Variants in CACFD1 observed in about 807,000 individuals in gnomAD.
CACFD1 encodes calcium channel flower homolog.
CACFD1 carries 26 observed loss-of-function variants against 21.3 expected under a neutral mutation model. The observed-to-expected ratio is 1.22, with a 90% CI of 0.89 to 1.69. The LOEUF (loss-of-function observed/expected upper bound fraction) is 1.69. Among genes scored for constraint, CACFD1 ranks in the 40% most tolerant of loss-of-function variants. The pLI, the probability that CACFD1 is intolerant of heterozygous loss-of-function variation, is 0.00. For synonymous variants in CACFD1, 121 were observed against 106.6 expected, an observed-to-expected ratio of 1.13 and a Z score of -0.83; for missense variants, 265 against 236.2, an observed-to-expected ratio of 1.12 and a Z score of -0.80.
Position 133,465,247 on chromosome 9 carries a change from G to A in CACFD1, c.195-75G>A. The A allele has an allele frequency of 6.5e-7, 1 of 1,549,920 alleles. No individual in the cohort carries two copies. The highest frequency in any genetic ancestry group is 8.9e-7 in the Non-Finnish European group (1 of 1,127,492). ...GGTGAGGGAGGTGGCATTCCTTATG[G>A]CACTGGCACTGGGGGCCGCCCTCAT... is the stretch of plus-strand genomic sequence containing the variant. On this transcript the variant is annotated intron_variant, in intron 2 of 4. Coordinates refer to ENST00000316948, the MANE Select transcript of CACFD1 (RefSeq NM_017586.5). The surrounding 1 kb of genome is among the most constrained non-coding windows in gnomAD (Gnocchi z 5.0).
At chr9:133,468,300 C>T in intron 4 of CACFD1, 1 of 1,522,118 alleles carries the variant, frequency 6.6e-7, no homozygotes, top group Non-Finnish European at 8.8e-7. Flanking sequence ...CCCAGGTCTG[C>T]ACCGGGCATT....
chr9:133,459,980 C>T lies in CACFD1; in HGVS notation c.-87C>T. 7.0e-7 allele frequency: 1 copy of T among 1,425,552 alleles called. No homozygotes were observed. Among genetic ancestry groups the T allele is most frequent in the Non-Finnish European group, 9.2e-7 (1 of 1,086,676 alleles). The allele number at this position is 1,425,552 out of a possible 1,614,324, so 88.3% of individuals were successfully genotyped here. ...CCCGCCCCCTATGCTAATATGCTCC[C>T]TCTCCCACAAGGCAGCGCGCCGGCT... On this transcript the variant is annotated 5_prime_UTR_variant, in exon 1 of 5. Coordinates refer to ENST00000316948, the MANE Select transcript of CACFD1 (RefSeq NM_017586.5).
At chr9:133,468,281 C>G (rs1243162217) in intron 4 of CACFD1, 3 of 1,487,182 alleles carry the variant, frequency 2.0e-6, no homozygotes, top group Non-Finnish European at 2.7e-6. Context: ...GGTGGGAGCC[C>G]CTTCCCCTCC....
intron 2 of CACFD1, among the ~76,000 whole-genome samples, chr9:133,464,013 A>C (rs990515612): frequency 7.2e-5 from 11 of 152,210 alleles, no homozygotes; most frequent in Admixed American, 3.3e-4. Context: ...AGCTGTGCCA[A>C]AGATAGATGG....
intron 3 of CACFD1, among the ~76,000 whole-genome samples, chr9:133,466,485 T>C (rs1423438679): frequency 6.6e-6 from 1 of 152,224 alleles, no homozygotes; most frequent in African/African-American, 2.4e-5. Context: ...ACCACAGACT[T>C]TATAACATTC....
chr9:133,460,586 G>A (rs1025519991), intron 1 of CACFD1, among the ~76,000 whole-genome samples: 1 of 150,726 alleles, frequency 6.6e-6, no homozygotes, highest in Non-Finnish European at 1.5e-5. Flanking sequence ...TGCCCACCTG[G>A]CCCGTACTAA....
At position 133,465,249 on chromosome 9, in the gene CACFD1, AC is replaced by A; in HGVS notation, c.195-72del. 1.9e-6 allele frequency: 3 copies of A among 1,561,712 alleles called. No homozygotes were observed. The highest frequency in any genetic ancestry group is 2.6e-6 in the Non-Finnish European group (3 of 1,137,762). ...TGAGGGAGGTGGCATTCCTTATGGC[AC>A]TGGCACTGGGGGCCGCCCTCATCCT... On this transcript the variant is annotated intron_variant, in intron 2 of 4. Coordinates refer to ENST00000316948, the MANE Select transcript of CACFD1 (RefSeq NM_017586.5). This position sits in a 1 kb window ranked among gnomAD's most constrained non-coding sequence, Gnocchi z 5.0.
intron 1 of CACFD1, among the ~76,000 whole-genome samples, chr9:133,460,684 G>A (rs1446462880): frequency 6.6e-6 from 1 of 152,202 alleles, no homozygotes; most frequent in East Asian, 1.9e-4. Context: ...GCGGGTGCAC[G>A]GCTGGCTAGA....
intron 4 of CACFD1, 86 bp downstream of exon 4, chr9:133,468,114 C>G: frequency 8.3e-7 from 1 of 1,207,092 alleles, no homozygotes; most frequent in Non-Finnish European, 1.2e-6. Context: ...TGAGAGTGGC[C>G]CCTTTTAGCT....
chr9:133,467,254 T>G (rs982414704), intron 3 of CACFD1, among the ~76,000 whole-genome samples: 1 of 152,176 alleles, frequency 6.6e-6, no homozygotes, highest in African/African-American at 2.4e-5. Context: ...GCCTGGAAAT[T>G]CCAGCCAGGA....
intron 2 of CACFD1, among the ~76,000 whole-genome samples, chr9:133,464,169 A>G (rs1265492024): frequency 1.3e-5 from 2 of 152,094 alleles, no homozygotes; most frequent in Non-Finnish European, 2.9e-5. Context: ...GCACGTGAGA[A>G]GTGGCGGTGC....
Position 133,465,564 on chromosome 9 carries a change from T to G in CACFD1, c.320+117T>G, listed in dbSNP as rs1198828137. Reference sequence around the variant, plus strand: ...TATTCAGTTCCTCTCTGTGGAAGTGTAAACTGGGATTGCCTTTGTGCACAG... The same window carrying G: ...TATTCAGTTCCTCTCTGTGGAAGTGGAAACTGGGATTGCCTTTGTGCACAG... On this transcript the variant is annotated intron_variant, in intron 3 of 4. Coordinates refer to ENST00000316948, the MANE Select transcript of CACFD1 (RefSeq NM_017586.5). The surrounding 1 kb of genome is among the most constrained non-coding windows in gnomAD (Gnocchi z 5.0). 10 of 1,066,550 alleles carry G rather than the reference T, an allele frequency of 9.4e-6. No individual in the cohort carries two copies. The highest frequency in any genetic ancestry group is 1.4e-5 in the Non-Finnish European group (10 of 736,148). 66.1% of individuals were successfully genotyped at this position (1,066,550 alleles called of 1,614,324 possible). A position where few individuals can be genotyped will look rare whatever the true frequency, so the allele number is the denominator to read the frequency against.
intron 1 of CACFD1, among the ~76,000 whole-genome samples, chr9:133,462,851 T>A (rs1843274380): frequency 6.6e-6 from 1 of 152,190 alleles, no homozygotes; most frequent in Non-Finnish European, 1.5e-5. Flanking sequence ...GTGGCTGGGC[T>A]GTGGGACTTG....
chr9:133,465,420 C>T lies in CACFD1; in HGVS notation c.293C>T (p.Ser98Phe), dbSNP rs1554799354. The change falls in exon 3 of 5, where the codon TCC becomes TTC. Residue 98 changes from serine (S) to phenylalanine (F), a missense_variant. Transcript: ENST00000316948. This position sits in a 1 kb window ranked among gnomAD's most constrained non-coding sequence, Gnocchi z 5.0. ...GCGGAGAAGGTGGACCGGCTGCGCT[C>T]CTGGCAGAAGGCTGTCTTCTACTGC... ...TVAEKVDRLR[S>F]WQKAVFYCGM... 1 of 1,613,350 alleles carries T rather than the reference C, an allele frequency of 6.2e-7. No homozygotes were observed. Among genetic ancestry groups the T allele is most frequent in the Non-Finnish European group, 8.5e-7 (1 of 1,179,618 alleles).
intron 4 of CACFD1, chr9:133,468,333 C>T (rs1450474344): frequency 1.3e-6 from 2 of 1,534,872 alleles, no homozygotes; most frequent in Non-Finnish European, 1.7e-6. Flanking sequence ...CACCCTCTCT[C>T]CTGCAGAGCC....
At position 133,460,466 on chromosome 9, in the gene CACFD1, G is replaced by C. The variant is rs1013423073; in HGVS notation, c.121+279G>C. On this transcript the variant is annotated intron_variant, in intron 1 of 4. Coordinates refer to ENST00000316948, the MANE Select transcript of CACFD1 (RefSeq NM_017586.5). ...GGAGGGACCAGAAACCCCAGGGCGGGGGGGCGGCGGGGGCGGGGGTGGGGC... is the reference window on the plus strand; with the variant it reads ...GGAGGGACCAGAAACCCCAGGGCGGCGGGGCGGCGGGGGCGGGGGTGGGGC... Among the ~76,000 whole-genome samples, 596 of 138,244 alleles carry C rather than the reference G, an allele frequency of 4.3e-3. 5 individuals carry two copies. Among genetic ancestry groups the C allele is most frequent in the African/African-American group, 0.015 (541 of 36,928 alleles). The allele number at this position is 138,244 out of a possible 152,430, so 90.7% of individuals were successfully genotyped here.
At chr9:133,463,813 C>T (rs928258968) in intron 2 of CACFD1, among the ~76,000 whole-genome samples, 10 of 152,238 alleles carry the variant, frequency 6.6e-5, no homozygotes, top group African/African-American at 1.9e-4. Flanking sequence ...GGCCTTCATC[C>T]GGTGCAGGGG....
Position 133,464,986 on chromosome 9 carries a change from G to A in CACFD1, c.195-336G>A, listed in dbSNP as rs587706427. On this transcript the variant is annotated intron_variant, in intron 2 of 4. Transcript: ENST00000316948. ...CATCTGTGGATGAACCTGCCGCAGC[G>A]TTGTAGCAGTGCCATGATGTGGGGT... 1.0e-4 allele frequency: 25 copies of A among 250,674 alleles called. 1 individual carries two copies. Among genetic ancestry groups the A allele is most frequent in the South Asian group, 8.0e-4 (14 of 17,502 alleles). The allele number at this position is 250,674 out of a possible 1,614,324, so 15.5% of individuals were successfully genotyped here.
chr9:133,460,187 T>C lies in CACFD1; in HGVS notation c.121T>C (p.Ser41Pro). Reference sequence around the variant, plus strand: ...CCTGTCTGGGGTGCTGGGGGCAGTCTGTGAGTATCCAGTCGGGGAGAGGGG... The same window carrying C: ...CCTGTCTGGGGTGCTGGGGGCAGTCCGTGAGTATCCAGTCGGGGAGAGGGG... Reference protein sequence around the residue: ...CRLSGVLGAVSCAISGLFNCI... With the variant: ...CRLSGVLGAVPCAISGLFNCI... The change falls in exon 1 of 5, where the codon TCT (serine) becomes CCT (proline). Residue 41 changes from serine to proline, a missense_variant and splice_region_variant. By Grantham distance (74) the Ser-to-Pro change is moderately conservative. Coordinates refer to ENST00000316948, the MANE Select transcript of CACFD1 (RefSeq NM_017586.5). The C allele has an allele frequency of 6.5e-7, 1 of 1,545,488 alleles. No individual in the cohort carries two copies. The highest frequency in any genetic ancestry group is 8.7e-7 in the Non-Finnish European group (1 of 1,146,018).
Sources: gnomAD v4.1 joint callset for allele counts (sites outside exome capture counted in the v4.1 genomes callset) on GRCh38, gnomAD v4.1.1 for gene constraint, Gnocchi (gnomAD v3.1) non-coding constraint, MANE v1.5 for transcripts, NCBI Gene and HGNC (gene_info 2026-07-23, HGNC 2026-07-21) for gene names.